Variants in ADCY5 observed in about 807,000 individuals in gnomAD.
The protein encoded by ADCY5 is adenylate cyclase 5.
In ADCY5, 30 loss-of-function variants were observed where a neutral mutation model predicts 119.7. The ratio of observed to expected loss-of-function variants is 0.25; its 90% CI spans 0.19 to 0.34. The LOEUF (loss-of-function observed/expected upper bound fraction) is 0.34. Ranked by LOEUF, ADCY5 falls within the 10% of genes least tolerant of loss-of-function variation. ADCY5 has a pLI of 1.00. For missense variants in ADCY5, 1,324 were observed against 1,775.2 expected (o/e 0.75, Z 4.57); for synonymous variants, 753 against 762.2 (o/e 0.99, Z 0.20).
intron 11 of ADCY5, 72 bp from the exon 12 acceptor site, chr3:123,314,394 T>TGCTTGCCA: frequency 7.9e-7 from 1 of 1,259,664 alleles, no homozygotes; most frequent in Non-Finnish European, 1.1e-6. Flanking sequence ...GGGACCTGCC[T>TGCTTGCCA]GGCAAGCAGG....
chr3:123,369,201 C>T (rs940872388), intron 1 of ADCY5, among the ~76,000 whole-genome samples: 2 of 152,202 alleles, frequency 1.3e-5, no homozygotes, highest in Non-Finnish European at 2.9e-5. Context: ...CACACATATG[C>T]TCTGTTTCGC....
At chr3:123,415,678 G>A (rs999002493) in intron 1 of ADCY5, among the ~76,000 whole-genome samples, 4 of 152,164 alleles carry the variant, frequency 2.6e-5, no homozygotes, top group Non-Finnish European at 4.4e-5. Flanking sequence ...AGGCCTCTGG[G>A]TCTAATCTGG....
chr3:123,340,515 C>G, intron 3 of ADCY5, among the ~76,000 whole-genome samples: 1 of 152,118 alleles, frequency 6.6e-6, no homozygotes, highest in East Asian at 1.9e-4. Context: ...GCAAATTCAA[C>G]TGGTCAGCGC....
chr3:123,423,656 C>T (rs973839660), intron 1 of ADCY5, among the ~76,000 whole-genome samples: 2 of 152,206 alleles, frequency 1.3e-5, no homozygotes, highest in East Asian at 1.9e-4. Context: ...TAAGAAGGCC[C>T]GTCACCAAGC....
chr3:123,318,248 A>T, intron 10 of ADCY5, 131 bp from the exon 11 acceptor site: 1 of 658,332 alleles, frequency 1.5e-6, no homozygotes, highest in South Asian at 1.7e-5. Context: ...ACAACAGGGA[A>T]GACTCGAGAA....
chr3:123,328,230 C>T (rs553374386), intron 6 of ADCY5, among the ~76,000 whole-genome samples: 10 of 152,302 alleles, frequency 6.6e-5, no homozygotes, highest in Admixed American at 2.6e-4. Flanking sequence ...TGCCTTGCCT[C>T]GCTGTGTTCC....
chr3:123,345,703 G>A (rs138553463), intron 3 of ADCY5, among the ~76,000 whole-genome samples: 1 of 151,432 alleles, frequency 6.6e-6, no homozygotes, highest in African/African-American at 2.4e-5. Flanking sequence ...GACAGGAAAG[G>A]CCCCTGGTGG....
intron 1 of ADCY5, among the ~76,000 whole-genome samples, chr3:123,374,148 A>T (rs1559845698): frequency 6.6e-6 from 1 of 152,114 alleles, no homozygotes; most frequent in Non-Finnish European, 1.5e-5. Flanking sequence ...GGGAGGGGGT[A>T]AGGTTTGGGC....
chr3:123,303,242 T>C, intron 13 of ADCY5, 23 bp from the exon 14 acceptor site: 1 of 1,607,854 alleles, frequency 6.2e-7, no homozygotes, highest in Non-Finnish European at 8.5e-7. Flanking sequence ...AGGAGGGTGA[T>C]GAGGGGAGGG....
chr3:123,320,084 T>C (rs1348256275), intron 9 of ADCY5, among the ~76,000 whole-genome samples: 1 of 152,222 alleles, frequency 6.6e-6, no homozygotes, highest in Non-Finnish European at 1.5e-5. Context: ...TCTGTTAACA[T>C]ATTATATTAG....
intron 12 of ADCY5, among the ~76,000 whole-genome samples, chr3:123,309,807 A>G (rs1021671428): frequency 1.3e-5 from 2 of 152,156 alleles, no homozygotes; most frequent in Non-Finnish European, 2.9e-5. Context: ...TCTTCACAGG[A>G]TGGAAGACAC....
In ADCY5 at chr3:123,363,036, G is replaced by A. The variant is rs543583453; in HGVS notation, c.1135-10455C>T. ...TGCGCACCTGTAATCCCAGCTACTC[G>A]GGAGGCTGAGGCAGGAGAATCACTT... On this transcript the variant is annotated intron_variant, in intron 1 of 20. Transcript: ENST00000462833. Among the ~76,000 whole-genome samples the A allele has an allele frequency of 2.0e-3, 305 of 151,522 alleles. 1 individual carries two copies. The highest frequency in any genetic ancestry group is 7.2e-3 in the African/African-American group (297 of 41,318).
At chr3:123,318,600 G>A (rs1032277606) in intron 10 of ADCY5, among the ~76,000 whole-genome samples, 1 of 152,184 alleles carries the variant, frequency 6.6e-6, no homozygotes, top group African/African-American at 2.4e-5. Flanking sequence ...ATGATACCAA[G>A]CAGCCACACT....
At chr3:123,324,705 T>G (rs75280147) in intron 8 of ADCY5, among the ~76,000 whole-genome samples, 162 of 152,182 alleles carry the variant, frequency 1.1e-3, no homozygotes, top group African/African-American at 3.7e-3. Flanking sequence ...TCCCGGTGTG[T>G]GTAGGCAGGG....
At chr3:123,344,055 TCTC>T (rs1942407410) in intron 3 of ADCY5, among the ~76,000 whole-genome samples, 1 of 152,018 alleles carries the variant, frequency 6.6e-6, no homozygotes, top group Admixed American at 6.5e-5. Flanking sequence ...GCACAACTAT[TCTC>T]CTCAGGGCCA....
intron 3 of ADCY5, among the ~76,000 whole-genome samples, chr3:123,340,827 C>T (rs1041798838): frequency 6.6e-6 from 1 of 152,044 alleles, no homozygotes; most frequent in East Asian, 1.9e-4. Context: ...ATACACCCAC[C>T]AAAACTGAAA....
intron 1 of ADCY5, among the ~76,000 whole-genome samples, chr3:123,383,807 A>G (rs1293137593): frequency 6.6e-6 from 1 of 151,636 alleles, no homozygotes; most frequent in Non-Finnish European, 1.5e-5. Flanking sequence ...ACACGCACAC[A>G]CACCCTTCCT....
At chr3:123,391,590 C>T (rs918212968) in intron 1 of ADCY5, among the ~76,000 whole-genome samples, 8 of 152,194 alleles carry the variant, frequency 5.3e-5, no homozygotes, top group African/African-American at 9.7e-5. Context: ...CCAGCCTCCA[C>T]CATCACCCCT....
Position 123,296,022 on chromosome 3 carries a change from G to GTTGTC in ADCY5, c.3063+57_3063+61dup, listed in dbSNP as rs1323338214. 7.1e-5 allele frequency: 113 copies of GTTGTC among 1,595,626 alleles called. No individual in the cohort carries two copies. In the African/African-American group the frequency reaches 1.3e-3, roughly 19 times the overall value. On this transcript the variant is annotated intron_variant, in intron 17 of 20. Coordinates refer to ENST00000462833, the MANE Select transcript of ADCY5 (RefSeq NM_183357.3). ...TTGGCCTGGCCCAGCAGACGAGCCT[G>GTTGTC]TTGTCTCCGCCACCTGCTCCCAAAT...
Sources: gnomAD v4.1 joint callset for allele counts (sites outside exome capture counted in the v4.1 genomes callset) on GRCh38, gnomAD v4.1.1 for gene constraint, MANE v1.5 for transcripts, NCBI Gene and HGNC (gene_info 2026-07-23, HGNC 2026-07-21) for gene names.